Variants in RUNX1 observed in about 807,000 individuals in gnomAD.
The protein encoded by RUNX1 is RUNX family transcription factor 1, also known as runt-related transcription factor 1.
Under a neutral mutation model 42.8 loss-of-function variants are expected in RUNX1, and 19 were observed. That is an observed-to-expected ratio of 0.44 (90% CI 0.31 to 0.65). The LOEUF (loss-of-function observed/expected upper bound fraction) is 0.65, where lower values mean the gene tolerates loss of function less well. RUNX1 is among the 30% of genes least tolerant of loss of function. RUNX1 has a pLI of 0.07. For missense variants in RUNX1, 528 were observed against 672.0 expected (o/e 0.79, Z 2.37); for synonymous variants, 271 against 289.4 (o/e 0.94, Z 0.64).
At chr21:34,845,773 G>A (rs1376523746) in intron 6 of RUNX1, among the ~76,000 whole-genome samples, 1 of 151,646 alleles carries the variant, frequency 6.6e-6, no homozygotes, top group African/African-American at 2.4e-5. Flanking sequence ...AGCAGCTGCA[G>A]CGGAGAGATA....
intron 2 of RUNX1, among the ~76,000 whole-genome samples, chr21:35,015,042 G>A (rs965771153): frequency 3.3e-5 from 5 of 152,254 alleles, no homozygotes; most frequent in African/African-American, 1.2e-4. Context: ...ATTTGGAGAA[G>A]AGGGAGAGAA....
chr21:34,915,285 G>A (rs1004360130), intron 2 of RUNX1, among the ~76,000 whole-genome samples: 3 of 152,198 alleles, frequency 2.0e-5, no homozygotes, highest in Admixed American at 1.3e-4. Flanking sequence ...GAGGAAAATT[G>A]AAGGGAAGAA....
chr21:34,996,409 T>C (rs1190751127), intron 2 of RUNX1, among the ~76,000 whole-genome samples: 2 of 152,096 alleles, frequency 1.3e-5, no homozygotes, highest in Non-Finnish European at 2.9e-5. Flanking sequence ...GGGGGAGATC[T>C]ATCAGAAGAG....
chr21:34,854,060 C>T (rs540184707), intron 6 of RUNX1, among the ~76,000 whole-genome samples: 8 of 152,260 alleles, frequency 5.3e-5, no homozygotes, highest in African/African-American at 1.2e-4. Flanking sequence ...GTGAGCCGCC[C>T]GCATTGGCCT....
chr21:34,877,845 C>T (rs989668542), intron 5 of RUNX1, among the ~76,000 whole-genome samples: 4 of 152,186 alleles, frequency 2.6e-5, no homozygotes, highest in African/African-American at 9.6e-5. Flanking sequence ...AGAAAGAGAA[C>T]TTCTTTCTCT....
At chr21:34,930,495 A>C (rs927838392) in intron 2 of RUNX1, among the ~76,000 whole-genome samples, 3 of 151,918 alleles carry the variant, frequency 2.0e-5, no homozygotes, top group African/African-American at 7.3e-5. Context: ...GCTGTGATCA[A>C]TTATTGATGT....
chr21:34,997,862 C>T (rs2059008755), intron 2 of RUNX1, among the ~76,000 whole-genome samples: 1 of 152,182 alleles, frequency 6.6e-6, no homozygotes, highest in African/African-American at 2.4e-5. Context: ...CCAACACCCC[C>T]AATCTGGGCG....
At chr21:34,913,747 G>C (rs1381031684) in intron 2 of RUNX1, among the ~76,000 whole-genome samples, 2 of 152,144 alleles carry the variant, frequency 1.3e-5, no homozygotes, top group African/African-American at 4.8e-5. Context: ...TTGATTTTCT[G>C]ACGTATCAGT....
intron 2 of RUNX1, among the ~76,000 whole-genome samples, chr21:34,938,530 C>A (rs555337010): frequency 2.2e-4 from 33 of 150,526 alleles, no homozygotes; most frequent in Non-Finnish European, 4.4e-4. Flanking sequence ...CCTCCTCCTT[C>A]TCCTCCTTCT....
At chr21:35,036,866 C>G (rs1423780971) in intron 2 of RUNX1, among the ~76,000 whole-genome samples, 1 of 152,160 alleles carries the variant, frequency 6.6e-6, no homozygotes, top group Non-Finnish European at 1.5e-5. Context: ...GTGTTTGGGG[C>G]AAGCTTCACG....
chr21:34,979,146 C>T (rs545228913), intron 2 of RUNX1, among the ~76,000 whole-genome samples: 4 of 152,174 alleles, frequency 2.6e-5, no homozygotes, highest in Non-Finnish European at 5.9e-5. Context: ...CTGGAGGATG[C>T]TGCATATATT....
intron 2 of RUNX1, among the ~76,000 whole-genome samples, chr21:34,904,265 T>G (rs1311536742): frequency 6.6e-6 from 1 of 152,258 alleles, no homozygotes; most frequent in East Asian, 1.9e-4. Context: ...TTCTGTAGAG[T>G]TATCTTTTTG....
At chr21:35,018,075 G>C (rs1311938744) in intron 2 of RUNX1, among the ~76,000 whole-genome samples, 1 of 152,134 alleles carries the variant, frequency 6.6e-6, no homozygotes, top group African/African-American at 2.4e-5. Context: ...ACCCAGGCTG[G>C]AGTGCACTGG....
intron 2 of RUNX1, among the ~76,000 whole-genome samples, chr21:34,957,600 C>T (rs546686347): frequency 2.6e-5 from 4 of 152,194 alleles, no homozygotes; most frequent in South Asian, 2.1e-4. Flanking sequence ...CTCTATTATC[C>T]GAGGATAACA....
At chr21:34,808,349 C>T (rs1377715629) in intron 7 of RUNX1, among the ~76,000 whole-genome samples, 2 of 152,150 alleles carry the variant, frequency 1.3e-5, no homozygotes, top group South Asian at 2.1e-4. Flanking sequence ...TGCCGACCTG[C>T]CAGCCTGGGA....
rs556008784 is a variant in RUNX1 at position 34,799,181 on chromosome 21, T to C, written c.967+120A>G. ...ATGGGCATGGGACTCAGAGTAGAGATAGGTCACCTTTAAACCATGTTTTAC... is the reference window on the plus strand; with the variant it reads ...ATGGGCATGGGACTCAGAGTAGAGACAGGTCACCTTTAAACCATGTTTTAC... On this transcript the variant is annotated intron_variant, in intron 8 of 8. Transcript: ENST00000675419. 2.7e-5 allele frequency: 28 copies of C among 1,050,856 alleles called. No individual in the cohort carries two copies. The African/African-American group carries it at 3.1e-4, about 12-fold the overall frequency. 65.1% of individuals were successfully genotyped at this position (1,050,856 alleles called of 1,614,324 possible).
chr21:34,993,778 G>GGC (rs1555913323), intron 2 of RUNX1, among the ~76,000 whole-genome samples: 1 of 47,840 alleles, frequency 2.1e-5, no homozygotes, highest in African/African-American at 1.1e-4. Flanking sequence ...CACACACACA[G>GGC]ACACACACAC....
intron 7 of RUNX1, among the ~76,000 whole-genome samples, chr21:34,815,629 C>T (rs889966740): frequency 1.3e-5 from 2 of 152,056 alleles, no homozygotes; most frequent in African/African-American, 2.4e-5. Flanking sequence ...AGAAGGAGGC[C>T]ACACAGGGGC....
chr21:34,893,828 C>G (rs2058107094), intron 2 of RUNX1, among the ~76,000 whole-genome samples: 1 of 149,954 alleles, frequency 6.7e-6, no homozygotes, highest in African/African-American at 2.5e-5. Context: ...CTTCAGATTT[C>G]TAGATGCTGT....
Sources: gnomAD v4.1 joint callset for allele counts (sites outside exome capture counted in the v4.1 genomes callset) on GRCh38, gnomAD v4.1.1 for gene constraint, MANE v1.5 for transcripts, NCBI Gene and HGNC (gene_info 2026-07-23, HGNC 2026-07-21) for gene names.